AUNIP: variants seen among roughly 807,000 people sequenced by gnomAD.
The protein encoded by AUNIP is aurora kinase A- and ninein-interacting protein.
Under a neutral mutation model 12.2 loss-of-function variants are expected in AUNIP, and 16 were observed. The ratio of observed to expected loss-of-function variants is 1.31; its 90% CI spans 0.88 to 1.99. The LOEUF (loss-of-function observed/expected upper bound fraction) is 1.99. Ranked by LOEUF, AUNIP falls within the 30% of genes most tolerant of loss-of-function variation. The pLI, the probability that AUNIP is intolerant of heterozygous loss-of-function variation, is 0.00. For missense variants in AUNIP, 411 were observed against 419.1 expected, an observed-to-expected ratio of 0.98 and a Z score of 0.17; for synonymous variants, 142 against 154.8, an observed-to-expected ratio of 0.92 and a Z score of 0.61.
intron 1 of AUNIP, among the ~76,000 whole-genome samples, chr1:25,840,216 A>G (rs1321769033): frequency 6.6e-6 from 1 of 152,192 alleles, no homozygotes; most frequent in Non-Finnish European, 1.5e-5. Flanking sequence ...ATAAGGTGAG[A>G]AAATAGAAGA....
intron 1 of AUNIP, among the ~76,000 whole-genome samples, chr1:25,856,373 A>AC (rs1321337769): frequency 6.6e-5 from 10 of 151,524 alleles, no homozygotes; most frequent in African/African-American, 2.4e-4. Flanking sequence ...CAAAAAAAAA[A>AC]AAACAAAACA....
At chr1:25,856,219 G>T (rs1293376891) in intron 1 of AUNIP, among the ~76,000 whole-genome samples, 5 of 151,728 alleles carry the variant, frequency 3.3e-5, no homozygotes, top group African/African-American at 1.2e-4. Context: ...ACAAAAATTA[G>T]CCAGGTATGG....
At chr1:25,858,431 C>A (rs1572271043) in intron 1 of AUNIP, among the ~76,000 whole-genome samples, 1 of 152,154 alleles carries the variant, frequency 6.6e-6, no homozygotes, top group East Asian at 1.9e-4. Flanking sequence ...CTGTTTTGAG[C>A]CTGTTTTCCG....
rs2048278213 is a variant in AUNIP at position 25,834,167 on chromosome 1, T to C, written c.*826A>G. 1 of 985,224 alleles carries C rather than the reference T, an allele frequency of 1.0e-6. No homozygotes were observed. The highest frequency in any genetic ancestry group is 1.2e-6 in the Non-Finnish European group (1 of 829,906). The allele number at this position is 985,224 out of a possible 1,614,324, so 61.0% of individuals were successfully genotyped here. On this transcript the variant is annotated 3_prime_UTR_variant, in exon 3 of 3. Coordinates refer to ENST00000374298, the MANE Select transcript of AUNIP (RefSeq NM_024037.3). ...ATATAACTTTAAAGTGCTGTACAGTTACCACAAAAATAAAATAGGAAACTA... is the reference window on the plus strand; with the variant it reads ...ATATAACTTTAAAGTGCTGTACAGTCACCACAAAAATAAAATAGGAAACTA...
chr1:25,851,837 TG>T (rs1410551041), intron 1 of AUNIP, among the ~76,000 whole-genome samples: 1 of 152,034 alleles, frequency 6.6e-6, no homozygotes, highest in Non-Finnish European at 1.5e-5. Context: ...CGGGTTCAAG[TG>T]ATTCTCCTGC....
At chr1:25,845,702 T>C (rs2048378729) in intron 1 of AUNIP, among the ~76,000 whole-genome samples, 1 of 152,192 alleles carries the variant, frequency 6.6e-6, no homozygotes, top group Non-Finnish European at 1.5e-5. Context: ...GGTACTCAAT[T>C]CAATAAATAC....
At position 25,834,853 on chromosome 1, in the gene AUNIP, C is replaced by A. The variant is rs1160281025; in HGVS notation, c.*140G>T. ...ACAATGGTACTGCCCTTTATTTACA[C>A]AGAGAAGATGCTCAGTAATGACAAC... On this transcript the variant is annotated 3_prime_UTR_variant, in exon 3 of 3. Coordinates refer to ENST00000374298, the MANE Select transcript of AUNIP (RefSeq NM_024037.3). 1 of 1,489,946 alleles carries A rather than the reference C, an allele frequency of 6.7e-7. No individual in the cohort carries two copies. Among genetic ancestry groups the A allele is most frequent in the Admixed American group, 2.4e-5 (1 of 40,914 alleles). 92.3% of individuals were successfully genotyped at this position (1,489,946 alleles called of 1,614,324 possible).
At position 25,837,538 on chromosome 1, in the gene AUNIP, G is replaced by A; in HGVS notation, c.95C>T (p.Pro32Leu). The A allele has an allele frequency of 6.2e-7, 1 of 1,612,712 alleles. No homozygotes were observed. The highest frequency in any genetic ancestry group is 8.5e-7 in the Non-Finnish European group (1 of 1,179,258). Residue 32 changes from proline to leucine, a missense_variant, in exon 2 of 3, where the codon CCA (proline) becomes CTA (leucine). Physicochemically the swap from Pro to Leu is moderately conservative, Grantham distance 98. Coordinates refer to ENST00000374298, the MANE Select transcript of AUNIP (RefSeq NM_024037.3). ...RRKVQTHLIKPGTKMLTLLPG... is the reference protein window; with the variant it reads ...RRKVQTHLIKLGTKMLTLLPG... ...AAGGAGTGTTAGCATTTTGGTGCCT[G>A]GTTTGATTAAATGTGTCTGAGAAAG...
Position 25,837,426 on chromosome 1 carries a change from G to T in AUNIP, c.207C>A (p.Phe69Leu). ...GGGTCACCATACCTGGCTGCAAGGT[G>T]AAGAAGGAAGCAATGCTTCTCTGGT... ...GIHQRSIASFFTLQPGKTNGS... is the reference protein window; with the variant it reads ...GIHQRSIASFLTLQPGKTNGS... The change falls in exon 2 of 3, where the codon TTC becomes TTA. Residue 69 changes from phenylalanine (F) to leucine (L), a missense_variant. Phe to Leu is a conservative substitution (Grantham distance 22). Transcript: ENST00000374298. 6.2e-7 allele frequency: 1 copy of T among 1,613,684 alleles called. No homozygotes were observed. The highest frequency in any genetic ancestry group is 1.1e-5 in the South Asian group (1 of 90,972).
At chr1:25,853,120 T>C (rs1335187984) in intron 1 of AUNIP, among the ~76,000 whole-genome samples, 5 of 152,194 alleles carry the variant, frequency 3.3e-5, no homozygotes, top group Admixed American at 3.3e-4. Flanking sequence ...GACTGTTCTA[T>C]ATTTTTGTCT....
rs1045186959 is a variant in AUNIP, at chr1:25,835,975, A to G, written c.221-129T>C. 3.7e-6 allele frequency: 5 copies of G among 1,360,624 alleles called. No homozygotes were observed. The African/African-American group carries it at 4.4e-5, about 12-fold the overall frequency. The allele number at this position is 1,360,624 out of a possible 1,614,324, so 84.3% of individuals were successfully genotyped here. The stretch of plus-strand genomic sequence containing the variant: ...GTGCAGGAGTCTTAAGACTCTTCAC[A>G]TAACTTTGTAGCCAATCTTCCTGTT... On this transcript the variant is annotated intron_variant, in intron 2 of 2. Coordinates refer to ENST00000374298, the MANE Select transcript of AUNIP (RefSeq NM_024037.3).
At chr1:25,837,051 T>C (rs932300) in intron 2 of AUNIP, among the ~76,000 whole-genome samples, 119,464 of 152,140 alleles carry the variant, frequency 0.79, 47,175 homozygotes, top group East Asian at 0.98. Context: ...TATCAATTAT[T>C]AATTAACCTT....
rs753557877 is a variant in AUNIP, at chr1:25,859,310, G to A, written c.48C>T (p.Asp16=). 12 of 1,575,006 alleles carry A rather than the reference G, an allele frequency of 7.6e-6. No homozygotes were observed. The South Asian group carries it at 1.3e-4, about 17-fold the overall frequency. ...PEEEACGVWL[D]AAALKRRKVQ... ...CTTTCCGCCTCTTCAGCGCCGCCGCGTCCAGCCACACGCCGCAGGCCTCCT... is the reference window on the plus strand; with the variant it reads ...CTTTCCGCCTCTTCAGCGCCGCCGCATCCAGCCACACGCCGCAGGCCTCCT... The change falls in exon 1 of 3, where the codon GAC becomes GAT. Residue 16 remains aspartate, a synonymous_variant. Transcript: ENST00000374298.
intron 1 of AUNIP, among the ~76,000 whole-genome samples, chr1:25,858,709 C>T (rs186508566): frequency 2.6e-5 from 4 of 152,270 alleles, no homozygotes; most frequent in East Asian, 1.9e-4. Context: ...ACACATATAA[C>T]GCATATTCAG....
In AUNIP at chr1:25,834,282, G is replaced by A; in HGVS notation, c.*711C>T. On this transcript the variant is annotated 3_prime_UTR_variant, in exon 3 of 3. Transcript: ENST00000374298. The stretch of plus-strand genomic sequence containing the variant: ...AAAGGGTCAAGAGTAATCATCCCAA[G>A]CTTAGGCTGATGTGGGTTAAGATCA... 3.0e-6 allele frequency: 3 copies of A among 985,354 alleles called. No homozygotes were observed. The highest frequency in any genetic ancestry group is 1.1e-4 in the East Asian group (1 of 8,816). 61.0% of individuals were successfully genotyped at this position (985,354 alleles called of 1,614,324 possible). A position where few individuals can be genotyped will look rare whatever the true frequency, so the allele number is the denominator to read the frequency against.
chr1:25,845,250 C>T (rs2048373753), intron 1 of AUNIP, among the ~76,000 whole-genome samples: 2 of 152,178 alleles, frequency 1.3e-5, no homozygotes, highest in African/African-American at 4.8e-5. Context: ...CTAGATTAAT[C>T]TCAAAGTACA....
At chr1:25,841,339 C>T (rs1307142891) in intron 1 of AUNIP, among the ~76,000 whole-genome samples, 1 of 152,180 alleles carries the variant, frequency 6.6e-6, no homozygotes, top group Non-Finnish European at 1.5e-5. Flanking sequence ...TATTTTATTG[C>T]ACCTTGCTTT....
At position 25,835,850 on chromosome 1, in the gene AUNIP, A is replaced by G. The variant is rs111227957; in HGVS notation, c.221-4T>C. On this transcript the variant is annotated splice_polypyrimidine_tract_variant and splice_region_variant and intron_variant, in intron 2 of 2. Transcript: ENST00000374298. ...TGGTCACTGCCATTTGTCTTTCCTA[A>G]TAAAACAGGAATGAACAAATATTAT... 2,817 of 1,611,696 alleles carry G rather than the reference A, an allele frequency of 1.7e-3. 42 individuals carry two copies. In the African/African-American group the frequency reaches 0.03, roughly 17 times the overall value.
At chr1:25,844,757 CCTT>C (rs1165163215) in intron 1 of AUNIP, among the ~76,000 whole-genome samples, 12 of 152,178 alleles carry the variant, frequency 7.9e-5, no homozygotes, top group African/African-American at 2.9e-4. Flanking sequence ...TTGCCACACT[CCTT>C]CTTCCTTTAT....
Sources: gnomAD v4.1 joint callset for allele counts (sites outside exome capture counted in the v4.1 genomes callset) on GRCh38, gnomAD v4.1.1 for gene constraint, MANE v1.5 for transcripts, NCBI Gene and HGNC (gene_info 2026-07-23, HGNC 2026-07-21) for gene names.